Variants in UGT2A1 observed in about 807,000 individuals in gnomAD.
UGT2A1 encodes the protein UDP-glucuronosyltransferase 2A1.
UGT2A1 carries 61 observed loss-of-function variants against 45.4 expected under a neutral mutation model. The observed-to-expected ratio is 1.34, with a 90% CI of 1.09 to 1.66. UGT2A1 has a LOEUF of 1.66. Among genes scored for constraint, UGT2A1 ranks in the 40% most tolerant of loss-of-function variants. The probability of loss-of-function intolerance (pLI) is 0.00; values close to 1 mark genes in which losing one functional copy is unlikely to be tolerated. For synonymous variants in UGT2A1, 229 were observed against 196.2 expected (o/e 1.17, Z -1.40); for missense variants, 649 against 574.3 (o/e 1.13, Z -1.33).
intron 2 of UGT2A1, 91 bp downstream of exon 2, chr4:69,646,838 TA>T: frequency 1.1e-6 from 1 of 885,156 alleles, no homozygotes; most frequent in Non-Finnish European, 1.7e-6. Context: ...TACTTGGAAT[TA>T]AAAAAGAATA....
At chr4:69,595,132 T>C in intron 5 of UGT2A1, 30 bp downstream of exon 5, 1 of 1,612,988 alleles carries the variant, frequency 6.2e-7, no homozygotes, top group Non-Finnish European at 8.5e-7. Flanking sequence ...ATTGTCCCAC[T>C]GTACAGCTTT....
At chr4:69,607,017 C>T (rs1719668929) in intron 3 of UGT2A1, among the ~76,000 whole-genome samples, 1 of 135,562 alleles carries the variant, frequency 7.4e-6, no homozygotes. Context: ...AGATTCAATG[C>T]CATCCCCATC....
chr4:69,592,416 G>A (rs892702453), intron 6 of UGT2A1, among the ~76,000 whole-genome samples: 32 of 152,142 alleles, frequency 2.1e-4, no homozygotes, highest in Non-Finnish European at 4.0e-4. Context: ...AATGCATTTA[G>A]GTATTGCATA....
chr4:69,589,743 T>G, intron 6 of UGT2A1, 92 bp from the exon 7 acceptor site: 1 of 1,495,910 alleles, frequency 6.7e-7, no homozygotes, highest in South Asian at 1.4e-5. Flanking sequence ...TCTACAAGTT[T>G]AAGGCCATAG....
At chr4:69,593,350 A>C (rs1231102914) in intron 6 of UGT2A1, among the ~76,000 whole-genome samples, 1 of 152,136 alleles carries the variant, frequency 6.6e-6, no homozygotes, top group African/African-American at 2.4e-5. Context: ...GTAAAATTAC[A>C]ACATAAGTAA....
rs1718439025 is a variant in UGT2A1, at chr4:69,589,270, A to G, written c.*102T>C. 3 of 1,363,406 alleles carry G rather than the reference A, an allele frequency of 2.2e-6. No homozygotes were observed. The highest frequency in any genetic ancestry group is 2.9e-6 in the Non-Finnish European group (3 of 1,034,934). 84.5% of individuals were successfully genotyped at this position (1,363,406 alleles called of 1,614,324 possible). A position where few individuals can be genotyped will look rare whatever the true frequency, so the allele number is the denominator to read the frequency against. Reference sequence around the variant, plus strand: ...ATAGAAAATTTGGAAACAGGATGGGAGACGTGTTTTTGTTAAACTCCTTTT... The same window carrying G: ...ATAGAAAATTTGGAAACAGGATGGGGGACGTGTTTTTGTTAAACTCCTTTT... On this transcript the variant is annotated 3_prime_UTR_variant, in exon 7 of 7. Coordinates refer to ENST00000286604, the MANE Select transcript of UGT2A1 (RefSeq NM_001252275.3).
intron 3 of UGT2A1, among the ~76,000 whole-genome samples, chr4:69,613,776 T>A (rs1004629059): frequency 6.6e-6 from 1 of 151,974 alleles, no homozygotes; most frequent in Non-Finnish European, 1.5e-5. Context: ...CATTAACATC[T>A]CTTCATGATT....
chr4:69,599,587 G>A, intron 3 of UGT2A1, 193 bp from the exon 4 acceptor site: 4 of 767,478 alleles, frequency 5.2e-6, no homozygotes, highest in South Asian at 8.2e-5. Flanking sequence ...GAGGAAGGAA[G>A]AAAAGAAGGA....
intron 3 of UGT2A1, among the ~76,000 whole-genome samples, chr4:69,607,292 A>C (rs1719693582): frequency 6.6e-6 from 1 of 151,244 alleles, no homozygotes; most frequent in Non-Finnish European, 1.5e-5. Flanking sequence ...GATCTTTGAC[A>C]AACCTGACAA....
chr4:69,630,361 C>T (rs1351374251), intron 3 of UGT2A1, among the ~76,000 whole-genome samples: 3 of 152,024 alleles, frequency 2.0e-5, no homozygotes, highest in African/African-American at 7.2e-5. Context: ...TATAACTCCC[C>T]ATTCCCACCT....
intron 3 of UGT2A1, among the ~76,000 whole-genome samples, chr4:69,603,811 G>A (rs1346563404): frequency 1.5e-5 from 2 of 135,510 alleles, no homozygotes; most frequent in Admixed American, 7.3e-5. Flanking sequence ...GGAAGAAAGG[G>A]TATCAGTGAT....
rs764220082 is a variant in UGT2A1 at position 69,647,089 on chromosome 4, C to T, written c.556G>A (p.Val186Ile). Residue 186 changes from valine (V) to isoleucine (I), a missense_variant, in exon 2 of 7, where the codon GTA becomes ATA. Transcript: ENST00000286604. ...GGAACATAGGAAGGAGGGTATGGTA[C>T]CTTCCCACAGTGCTTTTCCACTGTT... ...ASTVEKHCGK[V>I]PYPPSYVPAV... 11 of 1,612,656 alleles carry T rather than the reference C, an allele frequency of 6.8e-6. No individual in the cohort carries two copies. In the African/African-American group the frequency reaches 1.2e-4, roughly 18 times the overall value.
intron 6 of UGT2A1, 97 bp from the exon 7 acceptor site, chr4:69,589,748 C>T: frequency 1.4e-6 from 2 of 1,476,792 alleles, no homozygotes; most frequent in East Asian, 2.3e-5. Flanking sequence ...AAGTTTAAGG[C>T]CATAGTTACG....
chr4:69,638,829 C>A lies in UGT2A1; in HGVS notation c.716-3007G>T, dbSNP rs977291982. 4 of 1,449,342 alleles carry A rather than the reference C, an allele frequency of 2.8e-6. No homozygotes were observed. In the Admixed American group the frequency reaches 1.1e-4, roughly 40 times the overall value. The allele number at this position is 1,449,342 out of a possible 1,614,324, so 89.8% of individuals were successfully genotyped here. On this transcript the variant is annotated intron_variant, in intron 2 of 6. Coordinates refer to ENST00000286604, the MANE Select transcript of UGT2A1 (RefSeq NM_001252275.3). Reference sequence around the variant, plus strand: ...TCAGCATATGCAGTGGAATGGAAATCGTTTGCCATATGACAATAAGAATAA... The same window carrying A: ...TCAGCATATGCAGTGGAATGGAAATAGTTTGCCATATGACAATAAGAATAA...
At chr4:69,603,387 G>T (rs1454782941) in intron 3 of UGT2A1, among the ~76,000 whole-genome samples, 2 of 136,562 alleles carry the variant, frequency 1.5e-5, no homozygotes, top group Non-Finnish European at 3.1e-5. Flanking sequence ...AATAGTGATG[G>T]GACAGCTCCT....
intron 3 of UGT2A1, among the ~76,000 whole-genome samples, chr4:69,607,958 T>C (rs2109909628): frequency 1.3e-5 from 2 of 152,300 alleles, no homozygotes; most frequent in South Asian, 4.1e-4. Flanking sequence ...AGGAACACTT[T>C]TACACTGTTG....
rs537916759 is a variant in UGT2A1, at chr4:69,607,423, C to G, written c.848-8029G>C. Among the ~76,000 whole-genome samples the G allele has an allele frequency of 8.6e-5, 13 of 151,258 alleles. No homozygotes were observed. In the South Asian group the frequency reaches 2.1e-3, roughly 25 times the overall value. On this transcript the variant is annotated intron_variant, in intron 3 of 6. Coordinates refer to ENST00000286604, the MANE Select transcript of UGT2A1 (RefSeq NM_001252275.3). ...CACCTTATACAAAAATTAATTCAAG[C>G]TGGATTAAAGACTTACATGTTAGAC... is the stretch of plus-strand genomic sequence containing the variant.
At chr4:69,608,447 C>A (rs961214660) in intron 3 of UGT2A1, among the ~76,000 whole-genome samples, 1 of 151,280 alleles carries the variant, frequency 6.6e-6, no homozygotes, top group South Asian at 2.1e-4. Flanking sequence ...GGAAGGATAG[C>A]GTTGGGAAAT....
At chr4:69,638,976 G>C in intron 2 of UGT2A1, 2 of 1,613,044 alleles carry the variant, frequency 1.2e-6, no homozygotes, top group Non-Finnish European at 1.7e-6. Flanking sequence ...ATAAGATATG[G>C]TATTTTTAAT....
Sources: allele counts gnomAD v4.1 joint callset (sites outside exome capture counted in the v4.1 genomes callset), GRCh38; gene constraint gnomAD v4.1.1; transcripts MANE v1.5; gene names NCBI Gene and HGNC (gene_info 2026-07-23, HGNC 2026-07-21).